Variants in CADM1 observed in about 807,000 individuals in gnomAD.
CADM1 encodes the protein cell adhesion molecule 1, also known as TSLC-1.
In CADM1, 15 loss-of-function variants were observed where a neutral mutation model predicts 53.1. The observed-to-expected ratio is 0.28, with a 90% CI of 0.19 to 0.44. The LOEUF (loss-of-function observed/expected upper bound fraction) is 0.44, where lower values mean the gene tolerates loss of function less well. Among genes scored for constraint, CADM1 ranks in the 20% least tolerant of loss-of-function variants. The pLI, the probability that CADM1 is intolerant of heterozygous loss-of-function variation, is 1.00. For synonymous variants in CADM1, 281 were observed against 243.0 expected, an observed-to-expected ratio of 1.16 and a Z score of -1.45; for missense variants, 434 against 611.3, an observed-to-expected ratio of 0.71 and a Z score of 3.06.
At chr11:115,231,304 T>C in intron 4 of CADM1, 49 bp downstream of exon 4, 1 of 1,603,406 alleles carries the variant, frequency 6.2e-7, no homozygotes. Flanking sequence ...CAAAGGCATA[T>C]CTGCTAGAAT....
intron 8 of CADM1, among the ~76,000 whole-genome samples, chr11:115,205,765 C>T (rs2134713731): frequency 6.6e-6 from 1 of 152,280 alleles, no homozygotes; most frequent in South Asian, 2.1e-4. Flanking sequence ...AAAACAGACT[C>T]CAAGGAACCT....
At chr11:115,216,607 G>A (rs746349150) in intron 6 of CADM1, among the ~76,000 whole-genome samples, 4 of 152,142 alleles carry the variant, frequency 2.6e-5, no homozygotes, top group African/African-American at 4.8e-5. Flanking sequence ...GCTGAAGCTC[G>A]AAGCATTCAA....
At chr11:115,214,474 A>G in intron 7 of CADM1, 134 bp downstream of exon 7, 1 of 827,722 alleles carries the variant, frequency 1.2e-6, no homozygotes, top group South Asian at 1.5e-5. Flanking sequence ...ACCTCAGGCC[A>G]GGCTTCTTTA....
intron 1 of CADM1, among the ~76,000 whole-genome samples, chr11:115,419,991 A>G (rs1200475515): frequency 6.6e-6 from 1 of 152,100 alleles, no homozygotes; most frequent in Admixed American, 6.6e-5. Context: ...GCTCTCCTCC[A>G]TTGTTAACTT....
intron 1 of CADM1, among the ~76,000 whole-genome samples, chr11:115,419,723 G>A (rs1947706630): frequency 6.6e-6 from 1 of 152,142 alleles, no homozygotes; most frequent in African/African-American, 2.4e-5. Context: ...TAGTTAAACT[G>A]GGTGAACACG....
chr11:115,309,635 G>A (rs1944478671), intron 1 of CADM1, among the ~76,000 whole-genome samples: 1 of 152,058 alleles, frequency 6.6e-6, no homozygotes, highest in African/African-American at 2.4e-5. Flanking sequence ...TTTTCTTGAA[G>A]CTAAGCAGTG....
In CADM1 at chr11:115,174,843, A is replaced by G; in HGVS notation, c.*1631T>C. On this transcript the variant is annotated 3_prime_UTR_variant, in exon 12 of 12. Coordinates refer to ENST00000331581, the MANE Select transcript of CADM1 (RefSeq NM_001301043.2). ...CTTACCAAACATATGGTAAGAGTTT[A>G]GTTTCTGTCCTTCAGGACTACTTCT... 1 of 985,386 alleles carries G rather than the reference A, an allele frequency of 1.0e-6. No homozygotes were observed. The highest frequency in any genetic ancestry group is 5.2e-4 in the Middle Eastern group (1 of 1,912). 61.0% of individuals were successfully genotyped at this position (985,386 alleles called of 1,614,324 possible).
At chr11:115,206,283 C>T (rs1245069542) in intron 8 of CADM1, among the ~76,000 whole-genome samples, 3 of 152,190 alleles carry the variant, frequency 2.0e-5, no homozygotes, top group Non-Finnish European at 4.4e-5. Flanking sequence ...ACTTTAGAGA[C>T]TACAAAAATT....
At chr11:115,184,973 C>G (rs1299660385) in intron 10 of CADM1, among the ~76,000 whole-genome samples, 1 of 152,196 alleles carries the variant, frequency 6.6e-6, no homozygotes, top group Non-Finnish European at 1.5e-5. Flanking sequence ...GGAAAGAGCA[C>G]TGGACTTGCT....
intron 1 of CADM1, among the ~76,000 whole-genome samples, chr11:115,248,571 AAAAAT>A (rs2134959327): frequency 6.6e-6 from 1 of 152,356 alleles, no homozygotes; most frequent in Admixed American, 6.5e-5. Flanking sequence ...ACAGGAATAT[AAAAAT>A]AAACCATAAA....
intron 1 of CADM1, among the ~76,000 whole-genome samples, chr11:115,432,625 T>C (rs1948085011): frequency 6.6e-6 from 1 of 152,214 alleles, no homozygotes; most frequent in African/African-American, 2.4e-5. Context: ...ATTAAGAATT[T>C]CAATATTTGT....
At chr11:115,295,546 A>AT (rs1944051579) in intron 1 of CADM1, among the ~76,000 whole-genome samples, 5 of 54,108 alleles carry the variant, frequency 9.2e-5, no homozygotes, top group East Asian at 2.1e-3. Flanking sequence ...ATATATATAT[A>AT]TATAATATAT....
intron 1 of CADM1, among the ~76,000 whole-genome samples, chr11:115,324,220 A>G (rs1433529747): frequency 6.6e-6 from 1 of 152,162 alleles, no homozygotes; most frequent in African/African-American, 2.4e-5. Context: ...CCCTTAATGT[A>G]CCCGTAAAAG....
chr11:115,257,039 C>G, intron 1 of CADM1: 1 of 349,752 alleles, frequency 2.9e-6, no homozygotes, highest in South Asian at 2.3e-5. Flanking sequence ...CACAATTGTG[C>G]ACAGCCATAA....
At chr11:115,266,247 T>C (rs1018132571) in intron 1 of CADM1, among the ~76,000 whole-genome samples, 4 of 152,252 alleles carry the variant, frequency 2.6e-5, no homozygotes, top group South Asian at 2.1e-4. Context: ...TACTCAGCCA[T>C]GTCTTAACAT....
chr11:115,308,192 G>GTATA (rs1387092815), intron 1 of CADM1, among the ~76,000 whole-genome samples: 2 of 70,452 alleles, frequency 2.8e-5, no homozygotes, highest in African/African-American at 1.3e-4. Flanking sequence ...ACTCATAGGT[G>GTATA]TGTATATATA....
chr11:115,434,286 G>A (rs181373737), intron 1 of CADM1, among the ~76,000 whole-genome samples: 27 of 152,238 alleles, frequency 1.8e-4, no homozygotes, highest in African/African-American at 6.3e-4. Context: ...AAACTCTAAC[G>A]AAGGTATCAT....
chr11:115,426,082 A>G (rs1947884715), intron 1 of CADM1, among the ~76,000 whole-genome samples: 1 of 152,194 alleles, frequency 6.6e-6, no homozygotes, highest in South Asian at 2.1e-4. Context: ...CAGGAGGGCT[A>G]CCTGCAGGAA....
intron 1 of CADM1, among the ~76,000 whole-genome samples, chr11:115,391,575 G>A (rs2135184084): frequency 6.6e-6 from 1 of 152,286 alleles, no homozygotes; most frequent in Non-Finnish European, 1.5e-5. Flanking sequence ...ATGCGGGAGG[G>A]AGAGAGGAAT....
Sources: allele counts gnomAD v4.1 joint callset (sites outside exome capture counted in the v4.1 genomes callset), GRCh38; gene constraint gnomAD v4.1.1; transcripts MANE v1.5; gene names NCBI Gene and HGNC (gene_info 2026-07-23, HGNC 2026-07-21).